The following AKR7A2 variants were observed in gnomAD, a reference collection of about 807,000 sequenced individuals.
AKR7A2 encodes aldo-keto reductase family 7 member A2.
Under a neutral mutation model 37.3 loss-of-function variants are expected in AKR7A2, and 29 were observed. The ratio of observed to expected loss-of-function variants is 0.78; its 90% CI spans 0.58 to 1.06. The LOEUF (loss-of-function observed/expected upper bound fraction) is 1.06. Among genes scored for constraint, AKR7A2 ranks in the 50% least tolerant of loss-of-function variants. AKR7A2 has a pLI of 0.00. For missense variants in AKR7A2, 529 were observed against 497.9 expected, an observed-to-expected ratio of 1.06 and a Z score of -0.59; for synonymous variants, 228 against 217.8, an observed-to-expected ratio of 1.05 and a Z score of -0.41.
downstream of AKR7A2, among the ~76,000 whole-genome samples, chr1:19,303,142 T>A (rs1404418175): frequency 1.3e-5 from 2 of 151,452 alleles, no homozygotes; most frequent in African/African-American, 4.9e-5. Flanking sequence ...ACAAAAAAAA[T>A]AAAAATAAAA....
At chr1:19,306,265 G>A in intron 5 of AKR7A2, 118 bp from the exon 6 acceptor site, 3 of 1,442,582 alleles carry the variant, frequency 2.1e-6, no homozygotes, top group Non-Finnish European at 2.9e-6. Context: ...CTGAGGGGCG[G>A]GTGTCCTCTC....
At chr1:19,310,672 A>T (rs1171159567) in intron 1 of AKR7A2, among the ~76,000 whole-genome samples, 2 of 152,168 alleles carry the variant, frequency 1.3e-5, no homozygotes, top group Non-Finnish European at 2.9e-5. Context: ...ATTCCGTCTC[A>T]AATAATAATA....
At chr1:19,311,705 G>T (rs1032388589) in intron 1 of AKR7A2, 122 bp downstream of exon 1, 1 of 1,260,360 alleles carries the variant, frequency 7.9e-7, no homozygotes, top group South Asian at 1.3e-5. Flanking sequence ...GTGGACCTGG[G>T]GTGGGGAGCG....
chr1:19,307,498 G>C, intron 3 of AKR7A2, 88 bp from the exon 4 acceptor site: 1 of 1,358,700 alleles, frequency 7.4e-7, no homozygotes. Flanking sequence ...AAGCAACACC[G>C]GCCCAGGACT....
In AKR7A2 at chr1:19,306,086, A is replaced by T. The variant is rs2093761112; in HGVS notation, c.850T>A (p.Tyr284Asn). 6.2e-7 allele frequency: 1 copy of T among 1,614,076 alleles called. No homozygotes were observed. The highest frequency in any genetic ancestry group is 8.5e-7 in the Non-Finnish European group (1 of 1,180,004). ...GTCACACTGGGGGCGCTGGCGCCAT[A>T]TGCGGCCTGCAGGGCCTTCTCCACC... ...ALVEKALQAA[Y>N]GASAPSVTSA... The change falls in exon 6 of 7, where the codon TAT (tyrosine) becomes AAT (asparagine). Residue 284 changes from tyrosine (Y) to asparagine (N), a missense_variant. Tyr to Asn is a moderately radical substitution (Grantham distance 143, BLOSUM62 -2). Coordinates refer to ENST00000235835, the MANE Select transcript of AKR7A2 (RefSeq NM_003689.4).
intron 6 of AKR7A2, among the ~76,000 whole-genome samples, chr1:19,304,783 A>G (rs1276532650): frequency 6.6e-6 from 1 of 152,094 alleles, no homozygotes; most frequent in Non-Finnish European, 1.5e-5. Flanking sequence ...AAAAAACAAC[A>G]AAACAAAATT....
chr1:19,308,618 G>C lies in AKR7A2; in HGVS notation c.323C>G (p.Pro108Arg), dbSNP rs201135912. ...CRVKIATKAN[P>R]WDGKSLKPDS... ...AGGCTTTAGTGATTTTCCATCCCAAGGGTTGGCCTTGGTGGCAATTTTCAC... is the reference window on the plus strand; with the variant it reads ...AGGCTTTAGTGATTTTCCATCCCAACGGTTGGCCTTGGTGGCAATTTTCAC... The change falls in exon 2 of 7, where the codon CCT (proline) becomes CGT (arginine). Residue 108 changes from proline (P) to arginine (R), a missense_variant. Transcript: ENST00000235835. 6.2e-7 allele frequency: 1 copy of C among 1,614,178 alleles called. No individual in the cohort carries two copies. The highest frequency in any genetic ancestry group is 2.2e-5 in the East Asian group (1 of 44,892).
intron 6 of AKR7A2, among the ~76,000 whole-genome samples, chr1:19,305,622 G>A (rs2093760192): frequency 6.6e-6 from 1 of 152,150 alleles, no homozygotes; most frequent in African/African-American, 2.4e-5. Flanking sequence ...TACAGGTGTG[G>A]GTCACTGCCA....
chr1:19,312,072 A>G lies in AKR7A2; in HGVS notation c.53T>C (p.Leu18Pro). Residue 18 changes from leucine (L) to proline (P), a missense_variant, in exon 1 of 7, where the codon CTT becomes CCT. By Grantham distance (98) the Leu-to-Pro change is moderately conservative. Transcript: ENST00000235835. ...VVSRAAVHCA[L>P]RSPPPEARAL... ...GCGGGCCTCGGGCGGCGGAGAGCGAAGCGCGCAGTGGACGGCGGCGCGGGA... is the reference window on the plus strand; with the variant it reads ...GCGGGCCTCGGGCGGCGGAGAGCGAGGCGCGCAGTGGACGGCGGCGCGGGA... The G allele has an allele frequency of 1.5e-6, 2 of 1,354,406 alleles. No individual in the cohort carries two copies. Among genetic ancestry groups the G allele is most frequent in the Non-Finnish European group, 1.9e-6 (2 of 1,062,328 alleles). 83.9% of individuals were successfully genotyped at this position (1,354,406 alleles called of 1,614,324 possible). A position where few individuals can be genotyped will look rare whatever the true frequency, so the allele number is the denominator to read the frequency against.
intron 5 of AKR7A2, among the ~76,000 whole-genome samples, chr1:19,306,439 C>T (rs1457425048): frequency 6.6e-6 from 1 of 152,106 alleles, no homozygotes; most frequent in African/African-American, 2.4e-5. Context: ...CCTGGGCTCT[C>T]TTTTTGCTTT....
intron 1 of AKR7A2, among the ~76,000 whole-genome samples, chr1:19,309,074 A>G (rs1005936277): frequency 6.6e-6 from 1 of 152,236 alleles, no homozygotes; most frequent in African/African-American, 2.4e-5. Context: ...GATCACTCCC[A>G]GAGTCCCAGC....
At chr1:19,307,283 G>A (rs1378850555) in intron 4 of AKR7A2, 31 bp downstream of exon 4, 1 of 1,612,286 alleles carries the variant, frequency 6.2e-7, no homozygotes, top group South Asian at 1.1e-5. Context: ...TCAGGAATAG[G>A]CTGAGACAGG....
chr1:19,309,100 G>A (rs79437449), intron 1 of AKR7A2, among the ~76,000 whole-genome samples: 3,022 of 152,340 alleles, frequency 0.02, 47 homozygotes, highest in Middle Eastern at 0.037. Flanking sequence ...AGGAAGAGCA[G>A]GAAGTACACT....
At chr1:19,310,090 A>G (rs934874761) in intron 1 of AKR7A2, among the ~76,000 whole-genome samples, 1 of 148,568 alleles carries the variant, frequency 6.7e-6, no homozygotes, top group African/African-American at 2.6e-5. Context: ...AACAAAAAAC[A>G]AAACAAAAAA....
intron 1 of AKR7A2, among the ~76,000 whole-genome samples, chr1:19,308,912 G>C (rs543695122): frequency 6.6e-6 from 1 of 152,210 alleles, no homozygotes; most frequent in East Asian, 1.9e-4. Context: ...ATGCAGAGAT[G>C]AACTGAACAC....
chr1:19,310,444 TC>T (rs113846401), intron 1 of AKR7A2, among the ~76,000 whole-genome samples: 13,932 of 152,092 alleles, frequency 0.092, 841 homozygotes, highest in Middle Eastern at 0.15. Flanking sequence ...ACACCTATAA[TC>T]CCAGCACTTT....
At position 19,312,008 on chromosome 1, in the gene AKR7A2, G is replaced by C. The variant is rs919774547; in HGVS notation, c.117C>G (p.Ala39=). 6.8e-7 allele frequency: 1 copy of C among 1,473,160 alleles called. No individual in the cohort carries two copies. The highest frequency in any genetic ancestry group is 1.5e-5 in the African/African-American group (1 of 67,644). The allele number at this position is 1,473,160 out of a possible 1,614,324, so 91.3% of individuals were successfully genotyped here. The part of the protein sequence containing the change: ...AMSRPPPPRV[A]SVLGTMEMGR... ...CCATCTCCATGGTGCCCAGCACCGA[G>C]GCGACCCGCGGTGGCGGTGGCCGGG... Residue 39 remains alanine, a synonymous_variant, in exon 1 of 7, where the codon GCC becomes GCG. Coordinates refer to ENST00000235835, the MANE Select transcript of AKR7A2 (RefSeq NM_003689.4).
intron 6 of AKR7A2, 96 bp from the exon 7 acceptor site, chr1:19,304,482 C>T: frequency 6.2e-7 from 1 of 1,602,274 alleles, no homozygotes; most frequent in Non-Finnish European, 8.5e-7. Flanking sequence ...TCTGGGGTCT[C>T]TGTTTATATT....
chr1:19,305,406 C>T (rs942597871), intron 6 of AKR7A2, among the ~76,000 whole-genome samples: 2 of 152,112 alleles, frequency 1.3e-5, no homozygotes, highest in Non-Finnish European at 2.9e-5. Context: ...GGTGTAATCT[C>T]AGCTCACTGC....
Sources: gnomAD v4.1 joint callset for allele counts (sites outside exome capture counted in the v4.1 genomes callset) on GRCh38, gnomAD v4.1.1 for gene constraint, MANE v1.5 for transcripts, NCBI Gene and HGNC (gene_info 2026-07-23, HGNC 2026-07-21) for gene names.